Variants in HOOK3 observed in about 807,000 individuals in gnomAD.
The protein encoded by HOOK3 is protein Hook homolog 3.
In HOOK3, 24 loss-of-function variants were observed where a neutral mutation model predicts 116.3. The observed-to-expected ratio is 0.21, with a 90% CI of 0.15 to 0.29. The LOEUF is 0.29. Ranked by LOEUF, HOOK3 falls within the 10% of genes least tolerant of loss-of-function variation. The probability of loss-of-function intolerance (pLI) is 1.00; values close to 1 mark genes in which losing one functional copy is unlikely to be tolerated. For missense variants in HOOK3, 632 were observed against 830.2 expected, an observed-to-expected ratio of 0.76 and a Z score of 2.93; for synonymous variants, 275 against 283.0, an observed-to-expected ratio of 0.97 and a Z score of 0.28.
chr8:42,920,116 A>G (rs776639240), intron 2 of HOOK3, among the ~76,000 whole-genome samples: 17 of 152,222 alleles, frequency 1.1e-4, no homozygotes, highest in Admixed American at 2.0e-4. Flanking sequence ...ATGATTTTGT[A>G]TATTTTCTCT....
chr8:42,911,567 G>A (rs1444494228), intron 2 of HOOK3, among the ~76,000 whole-genome samples: 2 of 152,190 alleles, frequency 1.3e-5, no homozygotes, highest in African/African-American at 4.8e-5. Context: ...GGTATAAAAT[G>A]AATTGGAAGA....
chr8:42,931,103 G>GCCA, intron 4 of HOOK3, among the ~76,000 whole-genome samples: 1 of 152,314 alleles, frequency 6.6e-6, no homozygotes, highest in South Asian at 2.1e-4. Flanking sequence ...AGGCACTGGA[G>GCCA]CCACATTCTC....
intron 7 of HOOK3, among the ~76,000 whole-genome samples, chr8:42,957,826 C>CT (rs11383704): frequency 0.17 from 23,357 of 135,246 alleles, 3,301 homozygotes; most frequent in African/African-American, 0.37. Context: ...ATATCTCTTC[C>CT]TTTTTTTTTT....
At chr8:42,908,451 TA>T (rs1243123822) in intron 2 of HOOK3, among the ~76,000 whole-genome samples, 2 of 152,190 alleles carry the variant, frequency 1.3e-5, no homozygotes, top group African/African-American at 2.4e-5. Flanking sequence ...AGTGCTGGCA[TA>T]AAAATAGACA....
chr8:42,949,459 C>T (rs1199224285), intron 5 of HOOK3: 1 of 152,138 alleles, frequency 6.6e-6, no homozygotes, highest in Non-Finnish European at 1.5e-5. Flanking sequence ...TAACTGTGAA[C>T]AGTCAATTGT....
At chr8:42,955,557 A>G (rs1040721515) in intron 6 of HOOK3, among the ~76,000 whole-genome samples, 1 of 152,228 alleles carries the variant, frequency 6.6e-6, no homozygotes, top group Non-Finnish European at 1.5e-5. Context: ...CTAGGAATCG[A>G]AAGTAGGGAG....
At chr8:42,994,141 G>C (rs906989561) in intron 15 of HOOK3, among the ~76,000 whole-genome samples, 10 of 152,004 alleles carry the variant, frequency 6.6e-5, no homozygotes, top group African/African-American at 2.4e-4. Context: ...TCAGCCTCCA[G>C]AGTAGCTGGG....
intron 1 of HOOK3, among the ~76,000 whole-genome samples, chr8:42,900,132 A>G (rs943882324): frequency 6.6e-6 from 1 of 152,156 alleles, no homozygotes; most frequent in African/African-American, 2.4e-5. Flanking sequence ...TTTTTTCGAA[A>G]GAGAGAGTTA....
At chr8:42,973,830 T>C (rs983082065) in intron 12 of HOOK3, among the ~76,000 whole-genome samples, 1 of 152,220 alleles carries the variant, frequency 6.6e-6, no homozygotes, top group Non-Finnish European at 1.5e-5. Context: ...GTGAAAAGAA[T>C]GTTAAGAAAT....
At chr8:42,904,982 A>G (rs1807274472) in intron 1 of HOOK3, among the ~76,000 whole-genome samples, 1 of 152,206 alleles carries the variant, frequency 6.6e-6, no homozygotes, top group Non-Finnish European at 1.5e-5. Flanking sequence ...TCCTGAGTAC[A>G]CTACTGGGTA....
rs556569830 is a variant in HOOK3 at position 42,940,493 on chromosome 8, C to T, written c.268-2820C>T. Among the ~76,000 whole-genome samples the T allele has an allele frequency of 1.3e-4, 19 of 151,586 alleles. No individual in the cohort carries two copies. In the South Asian group the frequency reaches 1.9e-3, roughly 15 times the overall value. ...CGTGGAAAGAGAGGGAGAGGGAGACCGTGGGGACAGGGACAGGGACAGGGA... is the reference window on the plus strand; with the variant it reads ...CGTGGAAAGAGAGGGAGAGGGAGACTGTGGGGACAGGGACAGGGACAGGGA... On this transcript the variant is annotated intron_variant, in intron 4 of 21. Transcript: ENST00000307602.
chr8:42,974,604 G>A (rs1463256570), intron 13 of HOOK3, among the ~76,000 whole-genome samples: 2 of 152,230 alleles, frequency 1.3e-5, no homozygotes, highest in East Asian at 3.8e-4. Flanking sequence ...TGTGCTGATA[G>A]ATAAAAATGA....
chr8:43,014,893 A>G (rs1172300547), intron 21 of HOOK3, among the ~76,000 whole-genome samples: 1 of 152,012 alleles, frequency 6.6e-6, no homozygotes, highest in Non-Finnish European at 1.5e-5. Flanking sequence ...GCCTGTAATC[A>G]TGGCACTTTG....
In HOOK3 at chr8:42,936,374, C is replaced by G. The variant is rs190048151; in HGVS notation, c.267+6202C>G. 4.3e-3 allele frequency among the ~76,000 whole-genome samples: 658 copies of G among 152,226 alleles called. 2 individuals carry two copies. Among genetic ancestry groups the G allele is most frequent in the Admixed American group, 7.1e-3 (108 of 15,290 alleles). On this transcript the variant is annotated intron_variant, in intron 4 of 21. Transcript: ENST00000307602. ...GCTTCCTCTCTTTCTATTTGAATATCCTTTATTTCTTTTTCTTGCCTGATT... is the reference window on the plus strand; with the variant it reads ...GCTTCCTCTCTTTCTATTTGAATATGCTTTATTTCTTTTTCTTGCCTGATT...
intron 4 of HOOK3, among the ~76,000 whole-genome samples, chr8:42,939,213 G>A (rs1025465219): frequency 3.3e-5 from 5 of 152,196 alleles, no homozygotes; most frequent in East Asian, 1.9e-4. Flanking sequence ...ATCATGGCCC[G>A]TTCTCAATGA....
intron 2 of HOOK3, among the ~76,000 whole-genome samples, chr8:42,922,943 A>G (rs1807687817): frequency 6.6e-6 from 1 of 152,156 alleles, no homozygotes; most frequent in African/African-American, 2.4e-5. Context: ...GAAAATATTC[A>G]CACATCATAT....
At chr8:42,919,625 T>C (rs952985030) in intron 2 of HOOK3, among the ~76,000 whole-genome samples, 1 of 152,174 alleles carries the variant, frequency 6.6e-6, no homozygotes, top group Non-Finnish European at 1.5e-5. Flanking sequence ...CAGCCGAGAT[T>C]ACGCCACTGC....
rs750505500 is a variant in HOOK3 at position 42,986,651 on chromosome 8, T to G, written c.1392-4T>G. 4 of 1,606,822 alleles carry G rather than the reference T, an allele frequency of 2.5e-6. No homozygotes were observed. The highest frequency in any genetic ancestry group is 3.4e-6 in the Non-Finnish European group (4 of 1,176,872). ...AATATTTAGTTTTTATTTTGTTCATTCAGGGAGAAACTTATTCGTCTTCAG... is the reference window on the plus strand; with the variant it reads ...AATATTTAGTTTTTATTTTGTTCATGCAGGGAGAAACTTATTCGTCTTCAG... On this transcript the variant is annotated splice_region_variant and splice_polypyrimidine_tract_variant and intron_variant, in intron 14 of 21. Coordinates refer to ENST00000307602, the MANE Select transcript of HOOK3 (RefSeq NM_032410.4).
At chr8:42,968,801 G>A (rs1808677388) in intron 11 of HOOK3, among the ~76,000 whole-genome samples, 1 of 152,136 alleles carries the variant, frequency 6.6e-6, no homozygotes. Context: ...ATTCATGCTT[G>A]AATAAAACAT....
Sources: gnomAD v4.1 joint callset for allele counts (sites outside exome capture counted in the v4.1 genomes callset) on GRCh38, gnomAD v4.1.1 for gene constraint, MANE v1.5 for transcripts, NCBI Gene and HGNC (gene_info 2026-07-23, HGNC 2026-07-21) for gene names.